Variants in ADAM23 observed in about 807,000 individuals in gnomAD.
The protein encoded by ADAM23 is disintegrin and metalloproteinase domain-containing protein 23.
Under a neutral mutation model 120.1 loss-of-function variants are expected in ADAM23, and 33 were observed. That is an observed-to-expected ratio of 0.27 (90% confidence interval 0.21 to 0.37). ADAM23 has a LOEUF of 0.37. Among genes scored for constraint, ADAM23 ranks in the 10% least tolerant of loss-of-function variants. The pLI is 1.00. For synonymous variants in ADAM23, 367 were observed against 375.2 expected, an observed-to-expected ratio of 0.98 and a Z score of 0.25; for missense variants, 862 against 1,058.2, an observed-to-expected ratio of 0.81 and a Z score of 2.57.
At chr2:206,476,994 A>G (rs1035948301) in intron 2 of ADAM23, among the ~76,000 whole-genome samples, 15 of 152,106 alleles carry the variant, frequency 9.9e-5, no homozygotes, top group African/African-American at 3.6e-4. Context: ...GCTGCCTTTT[A>G]TTTTTATGAT....
At position 206,557,421 on chromosome 2, in the gene ADAM23, C is replaced by A; in HGVS notation, c.934-6C>A. 1 of 1,611,454 alleles carries A rather than the reference C, an allele frequency of 6.2e-7. No individual in the cohort carries two copies. Among genetic ancestry groups the A allele is most frequent in the Non-Finnish European group, 8.5e-7 (1 of 1,177,712 alleles). Reference sequence around the variant, plus strand: ...TGGCAGTGACTGGTATGTATTTCCCCCCTAGTATAAGAAGCATCGCTCTTC... The same window carrying A: ...TGGCAGTGACTGGTATGTATTTCCCACCTAGTATAAGAAGCATCGCTCTTC... On this transcript the variant is annotated splice_region_variant and splice_polypyrimidine_tract_variant and intron_variant, in intron 9 of 25. Coordinates refer to ENST00000264377, the MANE Select transcript of ADAM23 (RefSeq NM_003812.4).
rs1574516322 is a variant in ADAM23, at chr2:206,530,867, A to G, written c.510-18A>G. ...GTGTCTTAGATGCAGAAATCACTCT[A>G]TTTTCTTTCCTTTGTAGTGGTTTGT... On this transcript the variant is annotated intron_variant, in intron 3 of 25. Transcript: ENST00000264377. The G allele has an allele frequency of 7.5e-6, 12 of 1,609,586 alleles. No individual in the cohort carries two copies. Among genetic ancestry groups the G allele is most frequent in the East Asian group, 2.2e-5 (1 of 44,712 alleles).
chr2:206,495,848 A>G (rs1696233974), intron 3 of ADAM23, among the ~76,000 whole-genome samples: 1 of 152,216 alleles, frequency 6.6e-6, no homozygotes, highest in Admixed American at 6.5e-5. Flanking sequence ...AGGGGTTGCA[A>G]TCCTAGTCTC....
intron 3 of ADAM23, among the ~76,000 whole-genome samples, chr2:206,501,449 A>G (rs1696385458): frequency 6.6e-6 from 1 of 152,050 alleles, no homozygotes; most frequent in African/African-American, 2.4e-5. Context: ...TTCAGTTATC[A>G]GCACCTCCTG....
At chr2:206,487,367 T>C (rs1027138714) in intron 3 of ADAM23, among the ~76,000 whole-genome samples, 35 of 152,128 alleles carry the variant, frequency 2.3e-4, no homozygotes, top group African/African-American at 8.4e-4. Flanking sequence ...TGTAATCTTT[T>C]CTCTCTTCAA....
chr2:206,536,082 T>C (rs1697167489), intron 4 of ADAM23, among the ~76,000 whole-genome samples: 1 of 152,240 alleles, frequency 6.6e-6, no homozygotes, highest in African/African-American at 2.4e-5. Flanking sequence ...TTGTCACATA[T>C]GCTCATGAAT....
chr2:206,502,733 T>A (rs186779105), intron 3 of ADAM23, among the ~76,000 whole-genome samples: 7 of 152,324 alleles, frequency 4.6e-5, no homozygotes, highest in Non-Finnish European at 8.8e-5. Context: ...CGATGTGTTT[T>A]ACACGATCTT....
intron 22 of ADAM23, among the ~76,000 whole-genome samples, chr2:206,593,754 T>A (rs886891798): frequency 1.3e-5 from 2 of 152,036 alleles, no homozygotes; most frequent in African/African-American, 4.8e-5. Context: ...ACTAGCATAT[T>A]TGTTAAATAT....
At chr2:206,468,785 C>G (rs987709649) in intron 2 of ADAM23, among the ~76,000 whole-genome samples, 43 of 152,266 alleles carry the variant, frequency 2.8e-4, no homozygotes, top group African/African-American at 9.9e-4. Context: ...ATACCTGAGA[C>G]TGTTAATTGA....
chr2:206,462,766 A>G (rs1452010277), intron 2 of ADAM23, among the ~76,000 whole-genome samples: 6 of 151,958 alleles, frequency 3.9e-5, no homozygotes, highest in Non-Finnish European at 7.4e-5. Context: ...AAAATTGCAT[A>G]TTTCCTGCTC....
intron 4 of ADAM23, among the ~76,000 whole-genome samples, chr2:206,532,359 AT>A (rs1196835279): frequency 2.0e-5 from 3 of 151,858 alleles, no homozygotes; most frequent in Admixed American, 6.6e-5. Flanking sequence ...AGAATAGCTA[AT>A]TGGCCTCCAG....
Position 206,584,244 on chromosome 2 carries a change from C to T in ADAM23, c.1738-3081C>T, listed in dbSNP as rs2359676. On this transcript the variant is annotated intron_variant, in intron 18 of 25. Transcript: ENST00000264377. The stretch of plus-strand genomic sequence containing the variant: ...AGTCTCTCAGCTGTGGATACCAGTG[C>T]CTGTTCTGTTGGAGGTGGCAGAGGG... 4.3e-4 allele frequency among the ~76,000 whole-genome samples: 66 copies of T among 152,256 alleles called. 2 individuals are homozygous for T. The East Asian group carries it at 0.011, about 25-fold the overall frequency.
At chr2:206,497,095 C>T (rs1696268414) in intron 3 of ADAM23, among the ~76,000 whole-genome samples, 1 of 152,160 alleles carries the variant, frequency 6.6e-6, no homozygotes, top group South Asian at 2.1e-4. Context: ...TGGTACCATT[C>T]CTTCTGAAAC....
At chr2:206,462,478 C>T (rs970884227) in intron 2 of ADAM23, among the ~76,000 whole-genome samples, 18 of 152,162 alleles carry the variant, frequency 1.2e-4, no homozygotes, top group Non-Finnish European at 2.5e-4. Flanking sequence ...GGTGTTCTTC[C>T]CCTTTTCGCC....
intron 4 of ADAM23, among the ~76,000 whole-genome samples, chr2:206,539,522 A>T (rs1697248117): frequency 6.6e-6 from 1 of 152,164 alleles, no homozygotes; most frequent in South Asian, 2.1e-4. Flanking sequence ...TATTTTTAGA[A>T]GAGCCTTTTG....
rs149505469 is a variant in ADAM23 at position 206,583,169 on chromosome 2, C to T, written c.1738-4156C>T. 1.1e-3 allele frequency among the ~76,000 whole-genome samples: 173 copies of T among 152,186 alleles called. 1 individual carries two copies. The highest frequency in any genetic ancestry group is 3.9e-3 in the African/African-American group (160 of 41,530). Reference sequence around the variant, plus strand: ...TTTCCAAGCTTTTAGAATTCTCTTCCTCCGGCCGGGCACAGTGGCTCATGC... The same window carrying T: ...TTTCCAAGCTTTTAGAATTCTCTTCTTCCGGCCGGGCACAGTGGCTCATGC... On this transcript the variant is annotated intron_variant, in intron 18 of 25. Coordinates refer to ENST00000264377, the MANE Select transcript of ADAM23 (RefSeq NM_003812.4).
intron 2 of ADAM23, among the ~76,000 whole-genome samples, chr2:206,477,071 A>G (rs1695789790): frequency 1.3e-5 from 2 of 152,214 alleles, no homozygotes; most frequent in Non-Finnish European, 2.9e-5. Flanking sequence ...ATAAGTCCCA[A>G]GAAAACACAA....
chr2:206,588,780 G>T lies in ADAM23; in HGVS notation c.1852+626G>T, dbSNP rs1029133649. On this transcript the variant is annotated intron_variant, in intron 20 of 25. Transcript: ENST00000264377. Reference sequence around the variant, plus strand: ...GCGTCTGCCTTTCTAGCCAAGGCTGGGTTCACCCCAAAGGAAAAGAAAGCA... The same window carrying T: ...GCGTCTGCCTTTCTAGCCAAGGCTGTGTTCACCCCAAAGGAAAAGAAAGCA... 2.0e-5 allele frequency among the ~76,000 whole-genome samples: 3 copies of T among 152,174 alleles called. No individual in the cohort carries two copies. The South Asian group carries it at 6.2e-4, about 31-fold the overall frequency.
At chr2:206,607,979 A>T in intron 24 of ADAM23, 1 of 452,692 alleles carries the variant, frequency 2.2e-6, no homozygotes, top group Non-Finnish European at 4.4e-6. Context: ...AAGCGGACGA[A>T]GTGCAAATCA....
Sources: gnomAD v4.1 joint callset for allele counts (sites outside exome capture counted in the v4.1 genomes callset) on GRCh38, gnomAD v4.1.1 for gene constraint, MANE v1.5 for transcripts, NCBI Gene and HGNC (gene_info 2026-07-23, HGNC 2026-07-21) for gene names.